The following VSNL1 variants were observed in gnomAD, a reference collection of about 807,000 sequenced individuals.
VSNL1 encodes the protein visinin like 1.
Under a neutral mutation model 20.4 loss-of-function variants are expected in VSNL1, and 6 were observed. The observed-to-expected ratio is 0.29, with a 90% CI of 0.16 to 0.58. The LOEUF (loss-of-function observed/expected upper bound fraction) is 0.58, where lower values mean the gene tolerates loss of function less well. Ranked by LOEUF, VSNL1 falls within the 20% of genes least tolerant of loss-of-function variation. The pLI, the probability that VSNL1 is intolerant of heterozygous loss-of-function variation, is 0.90. For synonymous variants in VSNL1, 93 were observed against 86.4 expected, an observed-to-expected ratio of 1.08 and a Z score of -0.42; for missense variants, 100 against 234.5, an observed-to-expected ratio of 0.43 and a Z score of 3.75.
At chr2:17,548,023 C>T (rs915866389) in intron 1 of VSNL1, among the ~76,000 whole-genome samples, 1 of 152,142 alleles carries the variant, frequency 6.6e-6, no homozygotes, top group Middle Eastern at 3.4e-3. Context: ...TGATACTCTC[C>T]CCACACCTCC....
At chr2:17,610,762 A>G (rs906002626) in intron 2 of VSNL1, among the ~76,000 whole-genome samples, 5 of 152,180 alleles carry the variant, frequency 3.3e-5, no homozygotes, top group African/African-American at 1.2e-4. Context: ...AAGCATCCAG[A>G]TGACAGGGGC....
Position 17,655,506 on chromosome 2 carries a change from T to G in VSNL1, c.*112T>G. ...ACACACACACACACACACACAAATA[T>G]TGCTTGGACTACCTATAAATGGACT... is the stretch of plus-strand genomic sequence containing the variant. On this transcript the variant is annotated 3_prime_UTR_variant, in exon 4 of 4. Transcript: ENST00000295156. The surrounding 1 kb of genome is among the most constrained non-coding windows in gnomAD (Gnocchi z 5.2). 1 of 763,506 alleles carries G rather than the reference T, an allele frequency of 1.3e-6. No individual in the cohort carries two copies. 47.3% of individuals were successfully genotyped at this position (763,506 alleles called of 1,614,324 possible).
chr2:17,619,478 C>T (rs756820608), intron 2 of VSNL1, among the ~76,000 whole-genome samples: 5 of 152,166 alleles, frequency 3.3e-5, no homozygotes, highest in Non-Finnish European at 5.9e-5. Flanking sequence ...TGAATATTAA[C>T]TCAAATGCGA....
chr2:17,596,687 C>G (rs1303865956), intron 2 of VSNL1, among the ~76,000 whole-genome samples: 1 of 152,110 alleles, frequency 6.6e-6, no homozygotes, highest in Non-Finnish European at 1.5e-5. Flanking sequence ...TTATTTTCAT[C>G]AGGAAACATT....
chr2:17,551,517 C>G (rs939687471), intron 1 of VSNL1, among the ~76,000 whole-genome samples: 1 of 152,050 alleles, frequency 6.6e-6, no homozygotes, highest in Non-Finnish European at 1.5e-5. Context: ...ATAATGTAGC[C>G]AATACTTTGA....
At chr2:17,572,121 A>C (rs577922644) in intron 1 of VSNL1, among the ~76,000 whole-genome samples, 1 of 152,134 alleles carries the variant, frequency 6.6e-6, no homozygotes, top group African/African-American at 2.4e-5. Context: ...TGGTGTAAAT[A>C]ATAGCACCTC....
At chr2:17,625,514 C>T (rs904416504) in intron 2 of VSNL1, among the ~76,000 whole-genome samples, 3 of 152,148 alleles carry the variant, frequency 2.0e-5, no homozygotes, top group Admixed American at 6.5e-5. Context: ...CCTAAATTAG[C>T]GACACTCTCT....
chr2:17,572,104 G>A (rs1050428791), intron 1 of VSNL1, among the ~76,000 whole-genome samples: 2 of 152,216 alleles, frequency 1.3e-5, no homozygotes, highest in Non-Finnish European at 2.9e-5. Context: ...AACAATGCCT[G>A]TTGTCCTGGT....
chr2:17,547,129 G>A (rs1006887509), intron 1 of VSNL1, among the ~76,000 whole-genome samples: 3 of 151,896 alleles, frequency 2.0e-5, no homozygotes, highest in African/African-American at 7.2e-5. Context: ...GAAGTATAAA[G>A]TTCTTCAGCT....
intron 1 of VSNL1, among the ~76,000 whole-genome samples, chr2:17,568,263 C>CTTTG (rs891188778): frequency 1.4e-4 from 22 of 151,976 alleles, no homozygotes; most frequent in South Asian, 6.2e-4. Context: ...AACAATTCGG[C>CTTTG]TTTGTTTGTT....
chr2:17,614,859 TTCC>T (rs1372812324), intron 2 of VSNL1, among the ~76,000 whole-genome samples: 1 of 152,226 alleles, frequency 6.6e-6, no homozygotes, highest in Non-Finnish European at 1.5e-5. Flanking sequence ...GAGCCTCTGT[TTCC>T]TCATTTGTAA....
rs1381303705 is a variant in VSNL1 at position 17,601,593 on chromosome 2, G to A, written c.162+9357G>A. ...AGCAGTTGCAGTGAGCCAAGATCACGCCATTGCACTCCAGCCTGTACGACA... is the reference window on the plus strand; with the variant it reads ...AGCAGTTGCAGTGAGCCAAGATCACACCATTGCACTCCAGCCTGTACGACA... On this transcript the variant is annotated intron_variant, in intron 2 of 3. Transcript: ENST00000295156. 3.3e-5 allele frequency among the ~76,000 whole-genome samples: 5 copies of A among 151,258 alleles called. No homozygotes were observed. The East Asian group carries it at 5.9e-4, about 18-fold the overall frequency.
At chr2:17,597,916 T>C (rs528038562) in intron 2 of VSNL1, among the ~76,000 whole-genome samples, 1 of 152,336 alleles carries the variant, frequency 6.6e-6, no homozygotes, top group East Asian at 1.9e-4. Context: ...ACTGGTGGAA[T>C]TCCCTTCAAT....
intron 3 of VSNL1, among the ~76,000 whole-genome samples, chr2:17,652,075 A>G (rs910671793): frequency 6.6e-6 from 1 of 152,172 alleles, no homozygotes; most frequent in African/African-American, 2.4e-5. Context: ...ATTTTCTCAT[A>G]CATTTAGTGA....
chr2:17,631,439 A>G (rs1665625993), intron 2 of VSNL1, among the ~76,000 whole-genome samples: 1 of 152,240 alleles, frequency 6.6e-6, no homozygotes, highest in Admixed American at 6.5e-5. Flanking sequence ...ATAATATTGT[A>G]TCATTGTTCT....
At chr2:17,627,277 G>A (rs1230310396) in intron 2 of VSNL1, among the ~76,000 whole-genome samples, 1 of 152,200 alleles carries the variant, frequency 6.6e-6, no homozygotes, top group Non-Finnish European at 1.5e-5. Context: ...CACCTATCTT[G>A]TGCCCCCTCT....
At chr2:17,546,913 T>C (rs1663417776) in intron 1 of VSNL1, among the ~76,000 whole-genome samples, 1 of 151,608 alleles carries the variant, frequency 6.6e-6, no homozygotes, top group Non-Finnish European at 1.5e-5. Flanking sequence ...TTCTTGTTCT[T>C]ATGAAAAATT....
intron 1 of VSNL1, among the ~76,000 whole-genome samples, chr2:17,574,763 A>G (rs552949133): frequency 2.0e-5 from 3 of 152,052 alleles, no homozygotes; most frequent in Non-Finnish European, 4.4e-5. Flanking sequence ...CATGAAAACT[A>G]AGCTATCAAA....
intron 2 of VSNL1, among the ~76,000 whole-genome samples, chr2:17,600,744 T>A (rs1042769104): frequency 6.6e-6 from 1 of 152,192 alleles, no homozygotes; most frequent in Non-Finnish European, 1.5e-5. Context: ...GTGAGGATGT[T>A]GCAATTTTTA....
Sources: allele counts gnomAD v4.1 joint callset (sites outside exome capture counted in the v4.1 genomes callset), GRCh38; gene constraint gnomAD v4.1.1; non-coding constraint Gnocchi (gnomAD v3.1); transcripts MANE v1.5; gene names NCBI Gene and HGNC (gene_info 2026-07-23, HGNC 2026-07-21).